COQ10B: variants seen among roughly 807,000 people sequenced by gnomAD.
COQ10B encodes the protein coenzyme Q-binding protein COQ10 homolog B, mitochondrial.
COQ10B carries 12 observed loss-of-function variants against 27.6 expected under a neutral mutation model. The observed-to-expected ratio is 0.43, with a 90% confidence interval of 0.28 to 0.70. The LOEUF is 0.70. Among genes scored for constraint, COQ10B ranks in the 30% least tolerant of loss-of-function variants. The pLI is 0.17. For missense variants in COQ10B, 278 were observed against 288.7 expected (o/e 0.96, Z 0.27); for synonymous variants, 115 against 103.0 (o/e 1.12, Z -0.71).
chr2:197,460,164 AT>A, intron 2 of COQ10B, 83 bp downstream of exon 2: 1 of 881,642 alleles, frequency 1.1e-6, no homozygotes. Context: ...TTCTCTCTGG[AT>A]TATCTTCTTA....
intron 3 of COQ10B, among the ~76,000 whole-genome samples, chr2:197,467,747 T>A (rs2085840322): frequency 6.6e-6 from 1 of 152,178 alleles, no homozygotes. Flanking sequence ...ACAGTAAAAA[T>A]TATTATAAGG....
chr2:197,463,157 G>A (rs374656054), intron 3 of COQ10B, among the ~76,000 whole-genome samples: 5 of 152,118 alleles, frequency 3.3e-5, no homozygotes, highest in African/African-American at 1.2e-4. Flanking sequence ...AAAAATTAAA[G>A]TGGTGAGAGG....
intron 4 of COQ10B, among the ~76,000 whole-genome samples, chr2:197,471,946 A>G (rs1253123407): frequency 2.0e-5 from 3 of 151,800 alleles, no homozygotes; most frequent in African/African-American, 7.3e-5. Flanking sequence ...TGTCTCAAAA[A>G]AAAAAAAAAA....
At chr2:197,461,996 G>A (rs1009674956) in intron 2 of COQ10B, among the ~76,000 whole-genome samples, 5 of 151,896 alleles carry the variant, frequency 3.3e-5, no homozygotes, top group African/African-American at 9.7e-5. Context: ...TAGGCCGGGC[G>A]CGGTGGCTCA....
At chr2:197,454,539 C>G (rs1574576134) in intron 1 of COQ10B, among the ~76,000 whole-genome samples, 2 of 151,958 alleles carry the variant, frequency 1.3e-5, no homozygotes, top group African/African-American at 4.8e-5. Flanking sequence ...AACAACCTTA[C>G]CAAATCCAAA....
At chr2:197,461,123 G>A (rs1421869879) in intron 2 of COQ10B, among the ~76,000 whole-genome samples, 2 of 152,140 alleles carry the variant, frequency 1.3e-5, no homozygotes, top group Non-Finnish European at 2.9e-5. Flanking sequence ...TGTTCACTAA[G>A]TTCACCTTTA....
chr2:197,464,229 A>C (rs1247823201), intron 3 of COQ10B, among the ~76,000 whole-genome samples: 1 of 151,738 alleles, frequency 6.6e-6, no homozygotes, highest in Non-Finnish European at 1.5e-5. Flanking sequence ...ACCGACCTTA[A>C]AAACAAAAAG....
In COQ10B at chr2:197,453,721, T is replaced by C. The variant is rs2085663991; in HGVS notation, c.104+57T>C. 3.5e-6 allele frequency: 5 copies of C among 1,432,502 alleles called. No individual in the cohort carries two copies. In the South Asian group the frequency reaches 5.8e-5, roughly 16 times the overall value. 88.7% of individuals were successfully genotyped at this position (1,432,502 alleles called of 1,614,324 possible). A position where few individuals can be genotyped will look rare whatever the true frequency, so the allele number is the denominator to read the frequency against. On this transcript the variant is annotated intron_variant, in intron 1 of 4. Coordinates refer to ENST00000263960, the MANE Select transcript of COQ10B (RefSeq NM_025147.5). ...TAGTTTTCGATTTTGGCTGCCGAGT[T>C]GGGGGACCGGAAGGATTTGGGGGTG...
intron 3 of COQ10B, among the ~76,000 whole-genome samples, chr2:197,464,618 G>A (rs958950900): frequency 6.6e-5 from 10 of 151,934 alleles, no homozygotes; most frequent in South Asian, 2.1e-4. Flanking sequence ...ACTTTCTGTC[G>A]TAATAGCTAA....
At chr2:197,465,217 C>T (rs1348921798) in intron 3 of COQ10B, among the ~76,000 whole-genome samples, 1 of 151,620 alleles carries the variant, frequency 6.6e-6, no homozygotes, top group African/African-American at 2.4e-5. Context: ...TATTATGCTG[C>T]TTCTAACTAA....
intron 1 of COQ10B, among the ~76,000 whole-genome samples, chr2:197,459,270 G>A (rs934314346): frequency 6.6e-5 from 10 of 152,268 alleles, no homozygotes; most frequent in South Asian, 2.1e-4. Context: ...GTATTCAAGC[G>A]ATCCTGCTGC....
At chr2:197,472,889 C>T (rs1225777861) in intron 4 of COQ10B, among the ~76,000 whole-genome samples, 2 of 152,134 alleles carry the variant, frequency 1.3e-5, no homozygotes, top group Admixed American at 6.5e-5. Flanking sequence ...CACTTCCAGC[C>T]TCCTCTTCCT....
At chr2:197,458,116 C>CTTTTTTTTT (rs140427468) in intron 1 of COQ10B, among the ~76,000 whole-genome samples, 1 of 143,712 alleles carries the variant, frequency 7.0e-6, no homozygotes, top group Non-Finnish European at 1.5e-5. Context: ...TTTTCTTTTT[C>CTTTTTTTTT]TTTTTTTTTT....
intron 3 of COQ10B, among the ~76,000 whole-genome samples, chr2:197,468,523 G>A (rs2085848763): frequency 6.6e-6 from 1 of 151,394 alleles, no homozygotes; most frequent in Non-Finnish European, 1.5e-5. Flanking sequence ...ATCCTTTAAT[G>A]TTAAATTTCC....
In COQ10B at chr2:197,475,135, A is replaced by G. The variant is rs531085686; in HGVS notation, c.*1211A>G. On this transcript the variant is annotated 3_prime_UTR_variant, in exon 5 of 5. Transcript: ENST00000263960. ...TAATTTGTTTATTTTTTGTACAGTT[A>G]GTTTGGTTATTGAAATCTTCCTATA... 1.3e-5 allele frequency: 2 copies of G among 152,476 alleles called. 1 individual carries two copies. The highest frequency in any genetic ancestry group is 4.1e-4 in the South Asian group (2 of 4,830). The allele number at this position is 152,476 out of a possible 1,614,324, so 9.4% of individuals were successfully genotyped here. A position where few individuals can be genotyped will look rare whatever the true frequency, so the allele number is the denominator to read the frequency against.
intron 1 of COQ10B, among the ~76,000 whole-genome samples, chr2:197,459,592 G>A (rs189816066): frequency 3.9e-5 from 6 of 152,312 alleles, no homozygotes; most frequent in East Asian, 1.9e-4. Context: ...GGAAAACAAC[G>A]TGGGTAGACA....
chr2:197,473,124 C>A (rs914598449), intron 4 of COQ10B, among the ~76,000 whole-genome samples: 31 of 152,000 alleles, frequency 2.0e-4, no homozygotes, highest in African/African-American at 7.2e-4. Context: ...AGCAATTGTG[C>A]TTGTTGCAGT....
At chr2:197,456,462 CA>C (rs1179848909) in intron 1 of COQ10B, among the ~76,000 whole-genome samples, 95 of 123,472 alleles carry the variant, frequency 7.7e-4, no homozygotes, top group Admixed American at 9.0e-4. Context: ...GACTCCATCT[CA>C]AAAAAAAAAA....
intron 2 of COQ10B, among the ~76,000 whole-genome samples, chr2:197,460,465 AC>A (rs1416738541): frequency 6.6e-6 from 1 of 152,204 alleles, no homozygotes; most frequent in Non-Finnish European, 1.5e-5. Flanking sequence ...TGCTGGGATT[AC>A]AGTCATGAGC....
Sources: allele counts gnomAD v4.1 joint callset (sites outside exome capture counted in the v4.1 genomes callset), GRCh38; gene constraint gnomAD v4.1.1; transcripts MANE v1.5; gene names NCBI Gene and HGNC (gene_info 2026-07-23, HGNC 2026-07-21).